The following RARB variants were observed in gnomAD, a reference collection of about 807,000 sequenced individuals.
RARB encodes the protein HBV-activated protein.
A neutral mutation model predicts 51.9 loss-of-function variants in RARB; 17 were observed. The ratio of observed to expected loss-of-function variants is 0.33; its 90% CI spans 0.22 to 0.49. The LOEUF (loss-of-function observed/expected upper bound fraction) is 0.49, where lower values mean the gene tolerates loss of function less well. Among genes scored for constraint, RARB ranks in the 20% least tolerant of loss-of-function variants. RARB has a pLI of 0.99. For synonymous variants in RARB, 215 were observed against 195.4 expected (o/e 1.10, Z -0.84); for missense variants, 369 against 550.8 (o/e 0.67, Z 3.30).
At chr3:24,940,316 T>C (rs1212656236) in intron 2 of RARB, among the ~76,000 whole-genome samples, 2 of 152,054 alleles carry the variant, frequency 1.3e-5, no homozygotes, top group African/African-American at 4.8e-5. Context: ...CTTCATGGGC[T>C]CAAAAAAGAC....
chr3:25,023,263 A>G (rs1697676038), intron 2 of RARB, among the ~76,000 whole-genome samples: 2 of 152,214 alleles, frequency 1.3e-5, no homozygotes, highest in South Asian at 2.1e-4. Flanking sequence ...CAGTAATGTG[A>G]GAAAAGTATA....
intron 2 of RARB, among the ~76,000 whole-genome samples, chr3:25,474,581 A>G (rs1695861508): frequency 6.6e-6 from 1 of 152,096 alleles, no homozygotes; most frequent in African/African-American, 2.4e-5. Context: ...GATGACATTT[A>G]TTCTGTTTGG....
chr3:25,230,044 A>G (rs1254467172), intron 5 of RARB, among the ~76,000 whole-genome samples: 1 of 152,152 alleles, frequency 6.6e-6, no homozygotes, highest in Non-Finnish European at 1.5e-5. Flanking sequence ...GCAAAGAAAT[A>G]AAAATAAATA....
At chr3:25,108,305 T>C (rs146735383) in intron 3 of RARB, among the ~76,000 whole-genome samples, 1 of 152,290 alleles carries the variant, frequency 6.6e-6, no homozygotes, top group African/African-American at 2.4e-5. Flanking sequence ...AAATATGAAA[T>C]GGCTCAGTCA....
At chr3:25,141,172 G>A (rs1700101207) in intron 4 of RARB, among the ~76,000 whole-genome samples, 2 of 151,838 alleles carry the variant, frequency 1.3e-5, no homozygotes, top group Admixed American at 1.3e-4. Context: ...TCTAAAAGAT[G>A]GTTCAATAAC....
chr3:25,114,246 G>T (rs1390667636), intron 3 of RARB, among the ~76,000 whole-genome samples: 1 of 152,098 alleles, frequency 6.6e-6, no homozygotes, highest in Admixed American at 6.6e-5. Flanking sequence ...GGAAACTCTT[G>T]CCTCCTTTGG....
At chr3:25,336,932 G>A (rs930654570) in intron 5 of RARB, among the ~76,000 whole-genome samples, 2 of 152,148 alleles carry the variant, frequency 1.3e-5, no homozygotes, top group Non-Finnish European at 2.9e-5. Flanking sequence ...GAAAGATAAA[G>A]GACAAGGAAG....
At chr3:25,133,963 TAA>T (rs548061331) in intron 4 of RARB, among the ~76,000 whole-genome samples, 62 of 127,480 alleles carry the variant, frequency 4.9e-4, no homozygotes, top group Non-Finnish European at 5.4e-4. Context: ...CTGTTTTCAT[TAA>T]AAAAAAAAAA....
At chr3:25,488,164 T>A (rs1181504965) in intron 2 of RARB, among the ~76,000 whole-genome samples, 2 of 152,212 alleles carry the variant, frequency 1.3e-5, no homozygotes, top group Non-Finnish European at 2.9e-5. Flanking sequence ...CTTTGGTGGT[T>A]AAATGTAGTT....
chr3:25,116,556 G>A (rs1699691376), intron 3 of RARB, among the ~76,000 whole-genome samples: 1 of 152,028 alleles, frequency 6.6e-6, no homozygotes, highest in Non-Finnish European at 1.5e-5. Flanking sequence ...TTTTTATGAT[G>A]TGTGCAGAAA....
intron 2 of RARB, among the ~76,000 whole-genome samples, chr3:24,893,295 G>C (rs1344451886): frequency 6.6e-6 from 1 of 152,146 alleles, no homozygotes; most frequent in Non-Finnish European, 1.5e-5. Context: ...TTTATATTTG[G>C]TTACATGGGT....
intron 2 of RARB, among the ~76,000 whole-genome samples, chr3:25,058,029 C>T (rs1401044051): frequency 1.3e-5 from 2 of 151,932 alleles, no homozygotes; most frequent in African/African-American, 4.8e-5. Flanking sequence ...ATGTACTGCA[C>T]TTCCACTTTG....
chr3:25,595,234 T>C (rs1264950031), intron 7 of RARB, among the ~76,000 whole-genome samples: 1 of 152,202 alleles, frequency 6.6e-6, no homozygotes, highest in Non-Finnish European at 1.5e-5. Context: ...GTTGAGTGTT[T>C]AACAGTAAGG....
intron 3 of RARB, among the ~76,000 whole-genome samples, chr3:25,101,751 C>T (rs1160902917): frequency 6.6e-6 from 1 of 151,352 alleles, no homozygotes; most frequent in South Asian, 2.1e-4. Flanking sequence ...AATGTGTTTA[C>T]TTTTTGAAAG....
At chr3:24,910,376 T>G (rs1405759806) in intron 2 of RARB, among the ~76,000 whole-genome samples, 3 of 152,178 alleles carry the variant, frequency 2.0e-5, no homozygotes. Flanking sequence ...CAAAACCCAC[T>G]AATAATGAAA....
chr3:25,567,709 A>G (rs1700555439), intron 3 of RARB, among the ~76,000 whole-genome samples: 1 of 152,122 alleles, frequency 6.6e-6, no homozygotes, highest in African/African-American at 2.4e-5. Flanking sequence ...TATAACTTTG[A>G]GAAAAACTGC....
intron 3 of RARB, among the ~76,000 whole-genome samples, chr3:25,525,646 T>G (rs1465973497): frequency 1.3e-5 from 2 of 152,104 alleles, no homozygotes; most frequent in African/African-American, 4.8e-5. Flanking sequence ...ATGTTCAGGG[T>G]TGGGAGAGGG....
chr3:24,859,399 C>T (rs1042459084), intron 2 of RARB, among the ~76,000 whole-genome samples: 3 of 152,152 alleles, frequency 2.0e-5, no homozygotes, highest in Non-Finnish European at 2.9e-5. Context: ...GTACAACTCT[C>T]ATGTAGGTGT....
intron 4 of RARB, among the ~76,000 whole-genome samples, chr3:25,153,218 C>T (rs1388902196): frequency 6.6e-6 from 1 of 151,772 alleles, no homozygotes; most frequent in African/African-American, 2.4e-5. Flanking sequence ...GATTCTTCAC[C>T]AGGAAACATG....
Sources: allele counts gnomAD v4.1 joint callset (sites outside exome capture counted in the v4.1 genomes callset), GRCh38; gene constraint gnomAD v4.1.1; transcripts MANE v1.5; gene names NCBI Gene and HGNC (gene_info 2026-07-23, HGNC 2026-07-21).